Variants in POMT1 observed in about 807,000 individuals in gnomAD.
POMT1 encodes the protein protein O-mannosyltransferase 1, also known as protein O-mannosyl-transferase 1.
In POMT1, 85 loss-of-function variants were observed where a neutral mutation model predicts 101.6. The observed-to-expected ratio is 0.84, with a 90% confidence interval of 0.70 to 1.00. The LOEUF is 1.00. Among genes scored for constraint, POMT1 ranks in the 50% least tolerant of loss-of-function variants. The probability of loss-of-function intolerance (pLI) is 0.00; values close to 1 mark genes in which losing one functional copy is unlikely to be tolerated. For synonymous variants in POMT1, 371 were observed against 383.0 expected (o/e 0.97, Z 0.37); for missense variants, 857 against 930.4 (o/e 0.92, Z 1.03).
At chr9:131,506,723 T>A in intron 4 of POMT1, 1 of 510,694 alleles carries the variant, frequency 2.0e-6, no homozygotes, top group East Asian at 3.6e-5. Context: ...CGTCTGATTG[T>A]GATGATCGGT....
intron 11 of POMT1, among the ~76,000 whole-genome samples, chr9:131,512,436 A>G (rs927191979): frequency 1.3e-5 from 2 of 151,992 alleles, no homozygotes; most frequent in Admixed American, 6.6e-5. Flanking sequence ...AAGTAGCATC[A>G]TCTTGCACAC....
intron 17 of POMT1, among the ~76,000 whole-genome samples, chr9:131,520,926 T>G (rs908542570): frequency 1.3e-5 from 2 of 152,200 alleles, no homozygotes; most frequent in Admixed American, 6.5e-5. Flanking sequence ...CACTGCAACC[T>G]CCACCTCCCA....
Position 131,519,367 on chromosome 9 carries a change from A to G in POMT1, c.1487-22A>G. 1 of 1,549,646 alleles carries G rather than the reference A, an allele frequency of 6.5e-7. No individual in the cohort carries two copies. The highest frequency in any genetic ancestry group is 8.7e-7 in the Non-Finnish European group (1 of 1,145,754). On this transcript the variant is annotated intron_variant, in intron 15 of 19. Transcript: ENST00000402686. The surrounding 1 kb of genome is among the most constrained non-coding windows in gnomAD (Gnocchi z 4.3). ...TGACCTTGTGCTACTTCTATCTGTT[A>G]TGCCCTTGTCTGTTCTGCCAGGCCA...
intron 10 of POMT1, 148 bp downstream of exon 10, chr9:131,511,615 T>A: frequency 9.1e-7 from 1 of 1,104,910 alleles, no homozygotes; most frequent in Non-Finnish European, 1.3e-6. Flanking sequence ...CCAGTGAGCT[T>A]CGTGGTTCCC....
rs147212285 is a variant in POMT1, at chr9:131,507,432, G to A, written c.345G>A (p.Ser115=). 1.1e-5 allele frequency: 17 copies of A among 1,614,150 alleles called. No homozygotes were observed. Among genetic ancestry groups the A allele is most frequent in the Middle Eastern group, 1.6e-4 (1 of 6,062 alleles). The part of the protein sequence containing the change: ...RLLPALAGAL[S]VPMAYQIVLE... ...TGCCAGCACTCGCGGGGGCCTTGTC[G>A]GTCCCCATGGCCTACCAGATAGTGT... Residue 115 remains serine (S), a synonymous_variant, in exon 5 of 20, where the codon TCG becomes TCA. Transcript: ENST00000402686.
chr9:131,515,304 C>T (rs1345988123), intron 12 of POMT1, 122 bp from the exon 13 acceptor site: 3 of 958,344 alleles, frequency 3.1e-6, no homozygotes, highest in Admixed American at 1.7e-5. Context: ...GGGACTGGGC[C>T]ACCCCTTATG....
rs1201416810 is a variant in POMT1 at position 131,519,468 on chromosome 9, G to A, written c.1566G>A (p.Ala522=). 5 of 1,550,560 alleles carry A rather than the reference G, an allele frequency of 3.2e-6. No homozygotes were observed. The highest frequency in any genetic ancestry group is 3.5e-6 in the Non-Finnish European group (4 of 1,147,018). The stretch of plus-strand genomic sequence containing the variant: ...TCAGCAGGAACCTCAGCTTCATGGC[G>A]AGATTCTCGGAGCTGCAGGTGAGGA... ...VDVSRNLSFM[A]RFSELQWRML... is the part of the protein sequence containing the mutation. Residue 522 remains alanine (A), a synonymous_variant, in exon 16 of 20, where the codon GCG becomes GCA. Coordinates refer to ENST00000402686, the MANE Select transcript of POMT1 (RefSeq NM_001077365.2). The surrounding 1 kb of genome is among the most constrained non-coding windows in gnomAD (Gnocchi z 4.3).
At chr9:131,510,489 A>G in intron 9 of POMT1, 74 bp downstream of exon 9, 9 of 1,514,408 alleles carry the variant, frequency 5.9e-6, no homozygotes, top group Non-Finnish European at 7.3e-6. Flanking sequence ...TTACAAACAC[A>G]TCAAGTGAAC....
In POMT1 at chr9:131,520,160, C is replaced by T; in HGVS notation, c.1665C>T (p.Thr555=). 1.2e-6 allele frequency: 2 copies of T among 1,613,770 alleles called. No individual in the cohort carries two copies. Among genetic ancestry groups the T allele is most frequent in the Non-Finnish European group, 1.7e-6 (2 of 1,180,004 alleles). Residue 555 remains threonine (T), a synonymous_variant, in exon 17 of 20, where the codon ACC becomes ACT. Transcript: ENST00000402686. ...CACTGGAGTGGGTCACCCTGGACAC[C>T]AATATTGCCTACTGGCTGCACCCCA... ...SSPLEWVTLD[T]NIAYWLHPRT...
At chr9:131,520,270 G>A (rs1949654819) in intron 17 of POMT1, 77 bp downstream of exon 17, 10 of 1,225,686 alleles carry the variant, frequency 8.2e-6, no homozygotes, top group South Asian at 6.1e-5. Context: ...AAGAGCAGCC[G>A]CTGCACCCTA....
intron 13 of POMT1, chr9:131,518,144 A>G (rs1318308667): frequency 9.2e-6 from 4 of 434,678 alleles, no homozygotes; most frequent in Non-Finnish European, 4.5e-6. Flanking sequence ...TCTGAGCCCT[A>G]TGAATAGGCT....
chr9:131,515,843 C>T (rs865945127), intron 13 of POMT1, among the ~76,000 whole-genome samples: 5 of 124,226 alleles, frequency 4.0e-5, no homozygotes, highest in African/African-American at 1.1e-4. Flanking sequence ...CTTCCTCACA[C>T]GGAGCACTTC....
rs538292520 is a variant in POMT1, at chr9:131,512,220, C to G, written c.1082+84C>G. 4.5e-6 allele frequency: 7 copies of G among 1,560,050 alleles called. No homozygotes were observed. In the East Asian group the frequency reaches 7.0e-5, roughly 16 times the overall value. On this transcript the variant is annotated intron_variant, in intron 11 of 19. Coordinates refer to ENST00000402686, the MANE Select transcript of POMT1 (RefSeq NM_001077365.2). ...ACCCTGGGATGCAGTCCTGGGCCCC[C>G]TTCTTTCCCTCCCTCACTGACTCTA...
chr9:131,514,226 G>A (rs1192491941), intron 12 of POMT1, among the ~76,000 whole-genome samples: 1 of 152,108 alleles, frequency 6.6e-6, no homozygotes, highest in East Asian at 1.9e-4. Context: ...CCTGCGGACC[G>A]TGCACAACCC....
intron 3 of POMT1, 60 bp from the exon 4 acceptor site, chr9:131,506,343 C>G: frequency 6.4e-7 from 1 of 1,568,884 alleles, no homozygotes; most frequent in Admixed American, 1.7e-5. Flanking sequence ...TTATTGCTTG[C>G]CACAGTACTC....
Position 131,504,245 on chromosome 9 carries a change from A to C in POMT1, c.27A>C (p.Val9=). 6.2e-7 allele frequency: 1 copy of C among 1,614,076 alleles called. No individual in the cohort carries two copies. The part of the protein sequence containing the change: MWGFLKRP[V]VVTADINLSL... ...TGTGGGGATTTTTGAAGCGCCCTGT[A>C]GTGGTGACGGCTGACATCAACTTGA... Residue 9 remains valine, a synonymous_variant, in exon 2 of 20, where the codon GTA becomes GTC. Coordinates refer to ENST00000402686, the MANE Select transcript of POMT1 (RefSeq NM_001077365.2).
rs972538182 is a variant in POMT1, at chr9:131,520,025, G to A, written c.1585-55G>A. 32 of 1,431,176 alleles carry A rather than the reference G, an allele frequency of 2.2e-5. No individual in the cohort carries two copies. In the South Asian group the frequency reaches 2.3e-4, roughly 10 times the overall value. 88.7% of individuals were successfully genotyped at this position (1,431,176 alleles called of 1,614,324 possible). A position where few individuals can be genotyped will look rare whatever the true frequency, so the allele number is the denominator to read the frequency against. On this transcript the variant is annotated intron_variant, in intron 16 of 19. Coordinates refer to ENST00000402686, the MANE Select transcript of POMT1 (RefSeq NM_001077365.2). ...AGTGTACTCCTTTGACCAAATCCAC[G>A]CACAGCGGGAGGCATCCCCCATCCT...
At chr9:131,518,786 G>A (rs373151348) in intron 14 of POMT1, 51 bp from the exon 15 acceptor site, 10 of 1,613,458 alleles carry the variant, frequency 6.2e-6, no homozygotes, top group Admixed American at 5.0e-5. Context: ...AAGTGGACAC[G>A]GGAGCCACGG....
intron 5 of POMT1, 120 bp downstream of exon 5, chr9:131,507,634 A>G: frequency 7.0e-7 from 1 of 1,423,454 alleles, no homozygotes; most frequent in Non-Finnish European, 9.7e-7. Context: ...GGTTCATCCA[A>G]ATTTGACGCT....
Sources: gnomAD v4.1 joint callset for allele counts (sites outside exome capture counted in the v4.1 genomes callset) on GRCh38, gnomAD v4.1.1 for gene constraint, Gnocchi (gnomAD v3.1) non-coding constraint, MANE v1.5 for transcripts, NCBI Gene and HGNC (gene_info 2026-07-23, HGNC 2026-07-21) for gene names.